Variants in CREB5 observed in about 807,000 individuals in gnomAD.
The protein encoded by CREB5 is cAMP responsive element binding protein 5, also known as cyclic AMP-responsive element-binding protein 5.
In CREB5, 19 loss-of-function variants were observed where a neutral mutation model predicts 57.1. The ratio of observed to expected loss-of-function variants is 0.33; its 90% CI spans 0.23 to 0.49. The LOEUF is 0.49. CREB5 is among the 20% of genes least tolerant of loss of function. The pLI is 0.99. For missense variants in CREB5, 579 were observed against 671.6 expected (o/e 0.86, Z 1.52); for synonymous variants, 238 against 238.3 (o/e 1.00, Z 0.01).
intron 5 of CREB5, among the ~76,000 whole-genome samples, chr7:28,673,558 C>T (rs1800152788): frequency 6.6e-6 from 1 of 151,762 alleles, no homozygotes; most frequent in Non-Finnish European, 1.5e-5. Flanking sequence ...GTCTACATCT[C>T]ATGCCCATGG....
intron 1 of CREB5, among the ~76,000 whole-genome samples, chr7:28,469,621 TATAGAACC>T (rs1349004677): frequency 6.6e-6 from 1 of 152,240 alleles, no homozygotes; most frequent in Non-Finnish European, 1.5e-5. Context: ...TTTACATGAT[TATAGAACC>T]ATATGCTTTT....
intron 7 of CREB5, among the ~76,000 whole-genome samples, chr7:28,752,541 C>T (rs977836329): frequency 6.6e-6 from 1 of 152,180 alleles, no homozygotes; most frequent in African/African-American, 2.4e-5. Context: ...GGAAAATCTT[C>T]GCATGGAAAC....
intron 1 of CREB5, among the ~76,000 whole-genome samples, chr7:28,347,531 C>G (rs1010101479): frequency 6.6e-6 from 1 of 152,190 alleles, no homozygotes; most frequent in East Asian, 1.9e-4. Flanking sequence ...TAATGTGTCA[C>G]AATATTTTGC....
intron 1 of CREB5, among the ~76,000 whole-genome samples, chr7:28,391,241 T>A (rs42695): frequency 1.3e-5 from 2 of 152,014 alleles, no homozygotes; most frequent in Non-Finnish European, 2.9e-5. Context: ...TCTTCAGACC[T>A]GTGGTAATAA....
At chr7:28,473,697 G>A (rs1392749837) in intron 1 of CREB5, among the ~76,000 whole-genome samples, 2 of 152,216 alleles carry the variant, frequency 1.3e-5, no homozygotes, top group Admixed American at 6.5e-5. Flanking sequence ...TCGGCTGAAT[G>A]AGGCTGGAAG....
At chr7:28,449,309 C>G (rs1789667694) in intron 1 of CREB5, among the ~76,000 whole-genome samples, 1 of 152,192 alleles carries the variant, frequency 6.6e-6, no homozygotes, top group Non-Finnish European at 1.5e-5. Context: ...TCTCTTAAGT[C>G]TCTGCCTTGA....
chr7:28,753,937 C>A (rs148418667), intron 7 of CREB5, among the ~76,000 whole-genome samples: 1 of 150,898 alleles, frequency 6.6e-6, no homozygotes, highest in African/African-American at 2.4e-5. Context: ...AGAAGACGAT[C>A]TTTTTTATAT....
At chr7:28,818,915 A>T in intron 10 of CREB5, 1 of 612,948 alleles carries the variant, frequency 1.6e-6, no homozygotes, top group Non-Finnish European at 2.9e-6. Context: ...CTTTGCTCGT[A>T]GATATAAACT....
intron 4 of CREB5, among the ~76,000 whole-genome samples, chr7:28,535,545 C>T (rs181106362): frequency 8.6e-4 from 131 of 151,664 alleles, no homozygotes; most frequent in African/African-American, 2.8e-3. Context: ...GTTTAAAAAC[C>T]CTGGATTTTC....
intron 9 of CREB5, among the ~76,000 whole-genome samples, chr7:28,815,857 G>GT: frequency 6.6e-6 from 1 of 152,028 alleles, no homozygotes; most frequent in Non-Finnish European, 1.5e-5. Flanking sequence ...TTTCTTGTTT[G>GT]TTTTCTAGGT....
At chr7:28,375,769 C>T (rs1204008895) in intron 1 of CREB5, among the ~76,000 whole-genome samples, 1 of 150,768 alleles carries the variant, frequency 6.6e-6, no homozygotes, top group Non-Finnish European at 1.5e-5. Context: ...AATATGGAGG[C>T]CTGGAATGTT....
intron 3 of CREB5, among the ~76,000 whole-genome samples, chr7:28,499,831 G>A (rs560325548): frequency 1.4e-4 from 22 of 152,132 alleles, no homozygotes; most frequent in African/African-American, 4.3e-4. Flanking sequence ...GATCTGCCCC[G>A]CTTGGCCTCC....
At chr7:28,354,006 T>A (rs1292503923) in intron 1 of CREB5, among the ~76,000 whole-genome samples, 1 of 152,084 alleles carries the variant, frequency 6.6e-6, no homozygotes, top group Non-Finnish European at 1.5e-5. Context: ...TTGGACTATA[T>A]CTGGAGATAA....
At position 28,326,212 on chromosome 7, in the gene CREB5, C is replaced by T. The variant is rs34337061; in HGVS notation, c.-25+26771C>T. Among the ~76,000 whole-genome samples, 226 of 106,698 alleles carry T rather than the reference C, an allele frequency of 2.1e-3. 1 individual carries two copies. The highest frequency in any genetic ancestry group is 0.011 in the Middle Eastern group (2 of 176). 70.0% of individuals were successfully genotyped at this position (106,698 alleles called of 152,430 possible). On this transcript the variant is annotated intron_variant, in intron 1 of 9. Coordinates refer to the CREB5 transcript ENST00000396299. ...ATCTATCTATCTATCTATCTATCTACCTATCTATCTTGAAAAACATGAGTT... is the reference window on the plus strand; with the variant it reads ...ATCTATCTATCTATCTATCTATCTATCTATCTATCTTGAAAAACATGAGTT...
Position 28,824,922 on chromosome 7 carries a change from T to G in CREB5, c.*5643T>G, listed in dbSNP as rs1210730342. 6.6e-6 allele frequency: 1 copy of G among 152,656 alleles called. No individual in the cohort carries two copies. Among genetic ancestry groups the G allele is most frequent in the Non-Finnish European group, 1.5e-5 (1 of 68,046 alleles). The allele number at this position is 152,656 out of a possible 1,614,324, so 9.5% of individuals were successfully genotyped here. On this transcript the variant is annotated 3_prime_UTR_variant, in exon 11 of 11. Transcript: ENST00000357727. ...TACCAACTGTTGTATTTAGACCAAC[T>G]TACAATATCTAGCTCATTAGAAGCC... is the stretch of plus-strand genomic sequence containing the variant.
At chr7:28,537,367 T>C (rs1794005824) in intron 4 of CREB5, among the ~76,000 whole-genome samples, 1 of 132,958 alleles carries the variant, frequency 7.5e-6, no homozygotes, top group South Asian at 2.9e-4. Context: ...TCCTACAACA[T>C]GCACTTAAAG....
chr7:28,620,312 C>G (rs1000182347), intron 5 of CREB5, among the ~76,000 whole-genome samples: 23 of 152,076 alleles, frequency 1.5e-4, no homozygotes, highest in African/African-American at 5.6e-4. Flanking sequence ...ATATGGAAGT[C>G]CTTTTATTTC....
intron 4 of CREB5, among the ~76,000 whole-genome samples, chr7:28,548,406 T>G (rs997969009): frequency 2.0e-5 from 3 of 152,194 alleles, no homozygotes; most frequent in South Asian, 2.1e-4. Flanking sequence ...TTCTAAAATG[T>G]GTTAAACTGT....
chr7:28,577,899 G>A (rs1795963841), intron 5 of CREB5, among the ~76,000 whole-genome samples: 1 of 152,178 alleles, frequency 6.6e-6, no homozygotes, highest in Non-Finnish European at 1.5e-5. Flanking sequence ...TCAGGAAATT[G>A]TTCTTTTATT....
Sources: gnomAD v4.1 joint callset for allele counts (sites outside exome capture counted in the v4.1 genomes callset) on GRCh38, gnomAD v4.1.1 for gene constraint, MANE v1.5 for transcripts, NCBI Gene and HGNC (gene_info 2026-07-23, HGNC 2026-07-21) for gene names.